Variants in KAZN observed in about 807,000 individuals in gnomAD.
The protein encoded by KAZN is kazrin.
Under a neutral mutation model 87.4 loss-of-function variants are expected in KAZN, and 40 were observed. The ratio of observed to expected loss-of-function variants is 0.46; its 90% CI spans 0.36 to 0.60. The LOEUF is 0.60. KAZN is among the 20% of genes least tolerant of loss of function. The probability of loss-of-function intolerance (pLI) is 0.00; values close to 1 mark genes in which losing one functional copy is unlikely to be tolerated. For missense variants in KAZN, 898 were observed against 1,073.9 expected, an observed-to-expected ratio of 0.84 and a Z score of 2.29; for synonymous variants, 466 against 458.3, an observed-to-expected ratio of 1.02 and a Z score of -0.22.
chr1:14,859,247 G>T (rs368528470), intron 1 of KAZN, among the ~76,000 whole-genome samples: 1 of 151,232 alleles, frequency 6.6e-6, no homozygotes, highest in African/African-American at 2.4e-5. Flanking sequence ...CTAAGTAACC[G>T]CTCAGTGCAC....
intron 1 of KAZN, among the ~76,000 whole-genome samples, chr1:14,165,864 A>G (rs1367724192): frequency 6.6e-6 from 1 of 152,188 alleles, no homozygotes; most frequent in Non-Finnish European, 1.5e-5. Flanking sequence ...TGCTACATAG[A>G]GTCCAGTCCT....
At chr1:14,305,915 G>A (rs189375582) in intron 2 of KAZN, among the ~76,000 whole-genome samples, 1 of 152,238 alleles carries the variant, frequency 6.6e-6, no homozygotes, top group African/African-American at 2.4e-5. Flanking sequence ...GATGTTAACA[G>A]GATTGGGTAG....
intron 2 of KAZN, among the ~76,000 whole-genome samples, chr1:14,418,599 A>C (rs1665039232): frequency 6.6e-6 from 1 of 152,202 alleles, no homozygotes; most frequent in African/African-American, 2.4e-5. Flanking sequence ...TTGCCTCTAG[A>C]TAGCAAGGCT....
intron 1 of KAZN, among the ~76,000 whole-genome samples, chr1:14,827,929 G>A (rs1398120366): frequency 6.6e-6 from 1 of 152,184 alleles, no homozygotes; most frequent in Non-Finnish European, 1.5e-5. Flanking sequence ...TTCTCCATTT[G>A]CATAAAAGTT....
At chr1:14,709,641 A>G (rs1642386506) in intron 1 of KAZN, among the ~76,000 whole-genome samples, 1 of 152,218 alleles carries the variant, frequency 6.6e-6, no homozygotes, top group South Asian at 2.1e-4. Flanking sequence ...CAAGTTGGTC[A>G]TCTTCACACC....
intron 2 of KAZN, among the ~76,000 whole-genome samples, chr1:14,456,959 A>G (rs1392317499): frequency 6.6e-6 from 1 of 152,198 alleles, no homozygotes; most frequent in Non-Finnish European, 1.5e-5. Context: ...GTGTGCCTGG[A>G]GTCCCAGCTA....
intron 2 of KAZN, among the ~76,000 whole-genome samples, chr1:14,418,042 A>AAAAAAAC (rs1557705940): frequency 7.3e-6 from 1 of 137,134 alleles, no homozygotes; most frequent in Non-Finnish European, 1.6e-5. Context: ...AAAAAAAAAA[A>AAAAAAAC]AACCTACATC....
intron 2 of KAZN, among the ~76,000 whole-genome samples, chr1:14,183,381 T>C (rs1443687105): frequency 6.6e-6 from 1 of 152,086 alleles, no homozygotes; most frequent in Non-Finnish European, 1.5e-5. Context: ...TAGGTGTTCG[T>C]CCCCTAAACG....
intron 1 of KAZN, among the ~76,000 whole-genome samples, chr1:13,959,788 A>G (rs1235284559): frequency 6.6e-6 from 1 of 152,072 alleles, no homozygotes; most frequent in Non-Finnish European, 1.5e-5. Context: ...AGCCTTTCTC[A>G]TTAGATTGTG....
chr1:14,018,755 A>G (rs944646244), intron 1 of KAZN, among the ~76,000 whole-genome samples: 8 of 151,916 alleles, frequency 5.3e-5, no homozygotes, highest in Non-Finnish European at 8.8e-5. Context: ...GGGTTTCAGA[A>G]CTCTAGGTTC....
intron 2 of KAZN, among the ~76,000 whole-genome samples, chr1:14,185,491 C>T (rs1033582684): frequency 2.0e-5 from 3 of 152,204 alleles, no homozygotes; most frequent in South Asian, 2.1e-4. Flanking sequence ...TGCTCCATTA[C>T]GCATCCTTTC....
At chr1:14,755,682 C>T (rs1327842248) in intron 1 of KAZN, among the ~76,000 whole-genome samples, 2 of 152,138 alleles carry the variant, frequency 1.3e-5, no homozygotes, top group African/African-American at 4.8e-5. Flanking sequence ...GGAGGGCAGC[C>T]CCTTCCTGGC....
intron 1 of KAZN, among the ~76,000 whole-genome samples, chr1:13,977,273 C>T (rs1217158260): frequency 1.3e-5 from 2 of 152,198 alleles, no homozygotes; most frequent in Non-Finnish European, 2.9e-5. Context: ...TGAAATAAAA[C>T]TCAGTTCTGT....
At chr1:14,448,528 C>G (rs918273258) in intron 2 of KAZN, among the ~76,000 whole-genome samples, 1 of 152,168 alleles carries the variant, frequency 6.6e-6, no homozygotes, top group Admixed American at 6.5e-5. Context: ...AAAACACAAA[C>G]AAAGAGGAGC....
chr1:15,085,726 G>A (rs919510106), intron 8 of KAZN, among the ~76,000 whole-genome samples: 2 of 152,196 alleles, frequency 1.3e-5, no homozygotes, highest in African/African-American at 4.8e-5. Flanking sequence ...AGAAAGTTCT[G>A]TTGGACAGCA....
At chr1:15,019,539 C>T (rs1047075727) in intron 2 of KAZN, among the ~76,000 whole-genome samples, 35 of 152,166 alleles carry the variant, frequency 2.3e-4, no homozygotes, top group Non-Finnish European at 1.5e-5. Flanking sequence ...CAAGCGCCCG[C>T]CACCACGCCA....
At chr1:14,364,721 G>A (rs894333498) in intron 2 of KAZN, among the ~76,000 whole-genome samples, 2 of 152,204 alleles carry the variant, frequency 1.3e-5, no homozygotes, top group Admixed American at 1.3e-4. Context: ...GAGGCCAGAA[G>A]GTGAAAGACA....
intron 1 of KAZN, among the ~76,000 whole-genome samples, chr1:14,900,402 A>G (rs1655731575): frequency 6.6e-6 from 1 of 152,142 alleles, no homozygotes; most frequent in African/African-American, 2.4e-5. Context: ...CATCTGTAAA[A>G]TGGGCACAAG....
intron 1 of KAZN, among the ~76,000 whole-genome samples, chr1:14,640,811 C>T (rs1680358553): frequency 6.6e-6 from 1 of 152,214 alleles, no homozygotes; most frequent in Non-Finnish European, 1.5e-5. Flanking sequence ...CCTTTAGCAG[C>T]TTAACTCCTC....
Sources: allele counts gnomAD v4.1 joint callset (sites outside exome capture counted in the v4.1 genomes callset), GRCh38; gene constraint gnomAD v4.1.1; transcripts MANE v1.5; gene names NCBI Gene and HGNC (gene_info 2026-07-23, HGNC 2026-07-21).